Variants in CBFA2T3 observed in about 807,000 individuals in gnomAD.
CBFA2T3 encodes the protein CBFA2/RUNX1 partner transcriptional co-repressor 3, also known as transcriptional corepressor CBFA2T3.
In CBFA2T3, 31 loss-of-function variants were observed where a neutral mutation model predicts 58.6. The observed-to-expected ratio is 0.53, with a 90% CI of 0.40 to 0.71. The LOEUF is 0.71. Ranked by LOEUF, CBFA2T3 falls within the 30% of genes least tolerant of loss-of-function variation. The pLI is 0.00. For missense variants in CBFA2T3, 1,076 were observed against 963.1 expected (o/e 1.12, Z -1.55); for synonymous variants, 531 against 421.9 (o/e 1.26, Z -3.17).
At chr16:88,877,864 C>T (rs1472473084) in intron 11 of CBFA2T3, among the ~76,000 whole-genome samples, 1 of 152,230 alleles carries the variant, frequency 6.6e-6, no homozygotes, top group Non-Finnish European at 1.5e-5. Context: ...CATATTTCTT[C>T]TTGGGGCCTG....
rs376300984 is a variant in CBFA2T3 at position 88,881,531 on chromosome 16, G to A, written c.1204-42C>T. Reference sequence around the variant, plus strand: ...CAGCCTTCAGCACCTCAGAGGGACCGGGACGCACCAGACACTCCCCCAGCC... The same window carrying A: ...CAGCCTTCAGCACCTCAGAGGGACCAGGACGCACCAGACACTCCCCCAGCC... On this transcript the variant is annotated intron_variant, in intron 8 of 11. Coordinates refer to ENST00000268679, the MANE Select transcript of CBFA2T3 (RefSeq NM_005187.6). 1.9e-4 allele frequency: 301 copies of A among 1,567,092 alleles called. 1 individual carries two copies. The African/African-American group carries it at 3.2e-3, about 17-fold the overall frequency.
At chr16:88,954,398 T>C (rs5028128) in intron 1 of CBFA2T3, among the ~76,000 whole-genome samples, 35,554 of 78,742 alleles carry the variant, frequency 0.45, 6,606 homozygotes, top group Middle Eastern at 0.64. Context: ...CTCCTGACCC[T>C]ACCCAAGACT....
At chr16:88,968,321 C>T (rs909720413) in intron 1 of CBFA2T3, among the ~76,000 whole-genome samples, 1 of 152,236 alleles carries the variant, frequency 6.6e-6, no homozygotes, top group Non-Finnish European at 1.5e-5. Context: ...AAGCGGCTGC[C>T]TGCTGTCTCC....
intron 1 of CBFA2T3, among the ~76,000 whole-genome samples, chr16:88,934,444 ACAGCAGC>A (rs1298667080): frequency 1.3e-5 from 2 of 152,226 alleles, no homozygotes; most frequent in Non-Finnish European, 2.9e-5. Flanking sequence ...CGGTGGGGAC[ACAGCAGC>A]CAGCAGGGCC....
intron 1 of CBFA2T3, among the ~76,000 whole-genome samples, chr16:88,957,186 G>A (rs568750176): frequency 3.3e-5 from 5 of 152,230 alleles, no homozygotes; most frequent in East Asian, 1.9e-4. Flanking sequence ...CTCCCCCATC[G>A]ACCCACTCCC....
intron 1 of CBFA2T3, among the ~76,000 whole-genome samples, chr16:88,967,253 G>A (rs530912037): frequency 4.0e-5 from 6 of 149,192 alleles, no homozygotes; most frequent in South Asian, 4.2e-4. Flanking sequence ...GCCCCGACAC[G>A]AGGCAGCACC....
intron 1 of CBFA2T3, among the ~76,000 whole-genome samples, chr16:88,965,328 A>G (rs1336808886): frequency 6.6e-6 from 1 of 152,250 alleles, no homozygotes; most frequent in Non-Finnish European, 1.5e-5. Context: ...GCAGATTTTC[A>G]TAAGACCAGA....
At chr16:88,923,134 T>C (rs1970976007) in intron 1 of CBFA2T3, among the ~76,000 whole-genome samples, 1 of 152,112 alleles carries the variant, frequency 6.6e-6, no homozygotes, top group South Asian at 2.1e-4. Context: ...GCGGGGGAGT[T>C]TGTGATGTGC....
intron 1 of CBFA2T3, among the ~76,000 whole-genome samples, chr16:88,904,187 AG>A (rs1304338466): frequency 2.0e-5 from 3 of 152,220 alleles, no homozygotes; most frequent in African/African-American, 7.2e-5. Context: ...CGCCCTGAGC[AG>A]TCGGGGACTT....
At chr16:88,915,181 C>T (rs1313186572) in intron 1 of CBFA2T3, among the ~76,000 whole-genome samples, 1 of 133,536 alleles carries the variant, frequency 7.5e-6, no homozygotes, top group Non-Finnish European at 1.6e-5. Context: ...GCTGGGGGTG[C>T]CGCCAGGTGG....
At chr16:88,919,294 G>A (rs1195802870) in intron 1 of CBFA2T3, among the ~76,000 whole-genome samples, 1 of 152,196 alleles carries the variant, frequency 6.6e-6, no homozygotes, top group African/African-American at 2.4e-5. Context: ...AAAAAAACCG[G>A]ACACAGCGTC....
intron 1 of CBFA2T3, among the ~76,000 whole-genome samples, chr16:88,934,274 ACAGTGGC>A (rs1971423351): frequency 6.6e-6 from 1 of 152,172 alleles, no homozygotes; most frequent in African/African-American, 2.4e-5. Context: ...GGGCTGCCCC[ACAGTGGC>A]TGCTCAGGTC....
intron 10 of CBFA2T3, 162 bp from the exon 11 acceptor site, chr16:88,879,622 T>C: frequency 1.6e-6 from 1 of 629,328 alleles, no homozygotes; most frequent in Non-Finnish European, 2.8e-6. Context: ...TGTAGGCAGC[T>C]GAACACACGT....
chr16:88,916,063 C>T (rs1970709373), intron 1 of CBFA2T3, among the ~76,000 whole-genome samples: 1 of 149,982 alleles, frequency 6.7e-6, no homozygotes. Context: ...TGTATGTGTG[C>T]ATGTGTATTC....
intron 1 of CBFA2T3, among the ~76,000 whole-genome samples, chr16:88,972,590 C>T (rs1246028804): frequency 6.6e-6 from 1 of 152,200 alleles, no homozygotes; most frequent in Non-Finnish European, 1.5e-5. Flanking sequence ...GGCAAGCTTC[C>T]CTCCGAGCCT....
chr16:88,922,932 G>A (rs1970968544), intron 1 of CBFA2T3, among the ~76,000 whole-genome samples: 1 of 152,188 alleles, frequency 6.6e-6, no homozygotes, highest in South Asian at 2.1e-4. Context: ...TACAGATGGG[G>A]CAGCAAAGGC....
intron 9 of CBFA2T3, 93 bp downstream of exon 9, chr16:88,881,198 G>A (rs778457010): frequency 9.2e-7 from 1 of 1,092,098 alleles, no homozygotes; most frequent in Non-Finnish European, 1.4e-6. Context: ...GTTCTGCCTG[G>A]TGTTTCGTTG....
chr16:88,875,565 C>T lies in CBFA2T3; in HGVS notation c.*1411G>A, dbSNP rs1597648052. 6 of 231,754 alleles carry T rather than the reference C, an allele frequency of 2.6e-5. No homozygotes were observed. The highest frequency in any genetic ancestry group is 1.8e-4 in the East Asian group (3 of 16,548). 14.4% of individuals were successfully genotyped at this position (231,754 alleles called of 1,614,324 possible). A position where few individuals can be genotyped will look rare whatever the true frequency, so the allele number is the denominator to read the frequency against. On this transcript the variant is annotated 3_prime_UTR_variant, in exon 12 of 12. Transcript: ENST00000268679. ...AGAAAGGGGAGTAGCTGCGGTGGGG[C>T]GATGGGGCCGAGAGGTTGGAGTTGG...
At chr16:88,973,915 C>A (rs1368235092) in intron 1 of CBFA2T3, among the ~76,000 whole-genome samples, 4 of 152,152 alleles carry the variant, frequency 2.6e-5, no homozygotes, top group Non-Finnish European at 5.9e-5. Flanking sequence ...CATCTCCCGC[C>A]TTGCCCGGTC....
Sources: gnomAD v4.1 joint callset for allele counts (sites outside exome capture counted in the v4.1 genomes callset) on GRCh38, gnomAD v4.1.1 for gene constraint, MANE v1.5 for transcripts, NCBI Gene and HGNC (gene_info 2026-07-23, HGNC 2026-07-21) for gene names.